Variants in MYO5A observed in about 807,000 individuals in gnomAD.
The protein encoded by MYO5A is myosin VA.
In MYO5A, 98 loss-of-function variants were observed where a neutral mutation model predicts 249.7. The observed-to-expected ratio is 0.39, with a 90% CI of 0.33 to 0.46. The LOEUF (loss-of-function observed/expected upper bound fraction) is 0.46, where lower values mean the gene tolerates loss of function less well. Ranked by LOEUF, MYO5A falls within the 20% of genes least tolerant of loss-of-function variation. The pLI is 0.98. For synonymous variants in MYO5A, 778 were observed against 810.6 expected (o/e 0.96, Z 0.68); for missense variants, 1,696 against 2,308.8 (o/e 0.73, Z 5.44).
intron 39 of MYO5A, 90 bp downstream of exon 39, chr15:52,318,970 G>T (rs2038168242): frequency 2.7e-6 from 4 of 1,492,094 alleles, no homozygotes; most frequent in Non-Finnish European, 9.1e-7. Context: ...TGAGATGCAA[G>T]AACTGAAAAC....
chr15:52,364,008 G>T (rs8038386), intron 24 of MYO5A, among the ~76,000 whole-genome samples: 73,205 of 152,048 alleles, frequency 0.48, 21,213 homozygotes, highest in Non-Finnish European at 0.63. Flanking sequence ...GGAGGCCAAG[G>T]TGGGTAGATC....
At chr15:52,369,990 A>C (rs2041020194) in intron 22 of MYO5A, among the ~76,000 whole-genome samples, 179 bp downstream of exon 22, 1 of 151,748 alleles carries the variant, frequency 6.6e-6, no homozygotes, top group Non-Finnish European at 1.5e-5. Flanking sequence ...AAAGACCTAC[A>C]GCCTACTCAT....
intron 1 of MYO5A, chr15:52,505,519 G>T (rs191130673): frequency 6.5e-7 from 1 of 1,533,986 alleles, no homozygotes; most frequent in East Asian, 2.3e-5. Context: ...TGATGAGGAA[G>T]AAAGTGAAGA....
At chr15:52,522,474 G>A (rs191787779) in intron 1 of MYO5A, among the ~76,000 whole-genome samples, 10 of 152,274 alleles carry the variant, frequency 6.6e-5, no homozygotes, top group African/African-American at 2.2e-4. Flanking sequence ...AGGTGAGGTG[G>A]AAGAAGTGGA....
intron 11 of MYO5A, among the ~76,000 whole-genome samples, chr15:52,395,669 C>A (rs1297835352): frequency 1.3e-5 from 2 of 152,128 alleles, no homozygotes; most frequent in Non-Finnish European, 2.9e-5. Flanking sequence ...GGGAGGTCAA[C>A]TAACTTGCCC....
chr15:52,312,580 A>C lies in MYO5A; in HGVS notation c.*1116T>G, dbSNP rs142981340. 2.6e-5 allele frequency: 4 copies of C among 152,122 alleles called. No individual in the cohort carries two copies. Among genetic ancestry groups the C allele is most frequent in the Admixed American group, 2.6e-4 (4 of 15,272 alleles). The allele number at this position is 152,122 out of a possible 1,614,324, so 9.4% of individuals were successfully genotyped here. On this transcript the variant is annotated 3_prime_UTR_variant, in exon 42 of 42. Coordinates refer to ENST00000399233, the MANE Select transcript of MYO5A (RefSeq NM_001382347.1). ...GCCATGTTGGCCAGGCTGGTCTCCA[A>C]CTCCTAACCTGAAGTGATCCGCCCA...
rs577252470 is a variant in MYO5A at position 52,377,677 on chromosome 15, A to C, written c.2209-1119T>G. Among the ~76,000 whole-genome samples, 291 of 150,038 alleles carry C rather than the reference A, an allele frequency of 1.9e-3. 1 individual carries two copies. Among genetic ancestry groups the C allele is most frequent in the Non-Finnish European group, 2.9e-3 (196 of 67,594 alleles). On this transcript the variant is annotated intron_variant, in intron 18 of 41. Coordinates refer to ENST00000399233, the MANE Select transcript of MYO5A (RefSeq NM_001382347.1). ...CCTCCGCCTTCTGGGTTCAAGCGACACTCCTGCCTCAGCCCCCTGAGTAGC... is the reference window on the plus strand; with the variant it reads ...CCTCCGCCTTCTGGGTTCAAGCGACCCTCCTGCCTCAGCCCCCTGAGTAGC...
intron 1 of MYO5A, among the ~76,000 whole-genome samples, chr15:52,501,811 A>G (rs1050090118): frequency 1.3e-5 from 2 of 151,858 alleles, no homozygotes; most frequent in Non-Finnish European, 2.9e-5. Flanking sequence ...TAAGCAGTCT[A>G]AACAGTCTAG....
intron 1 of MYO5A, among the ~76,000 whole-genome samples, chr15:52,450,843 G>GTTTTTTGTTTTTTTT (rs769982056): frequency 1.1e-3 from 96 of 84,550 alleles, no homozygotes; most frequent in African/African-American, 4.5e-3. Flanking sequence ...CACTACTGTG[G>GTTTTTTGTTTTTTTT]TTTTTTTTTT....
At chr15:52,320,340 G>A (rs192879265) in intron 38 of MYO5A, among the ~76,000 whole-genome samples, 82 of 152,302 alleles carry the variant, frequency 5.4e-4, no homozygotes, top group Admixed American at 4.7e-3. Context: ...CCTAGAACCG[G>A]CATGTTTGTT....
chr15:52,348,386 G>T (rs1347327052), intron 29 of MYO5A, among the ~76,000 whole-genome samples: 1 of 152,204 alleles, frequency 6.6e-6, no homozygotes, highest in African/African-American at 2.4e-5. Flanking sequence ...TCTACACTCA[G>T]GGAGATGAAA....
intron 1 of MYO5A, among the ~76,000 whole-genome samples, chr15:52,490,311 C>T (rs1313621705): frequency 6.6e-6 from 1 of 152,172 alleles, no homozygotes; most frequent in Admixed American, 6.5e-5. Flanking sequence ...GCATTCTTCA[C>T]AATAGCCAAA....
chr15:52,385,444 G>C (rs1038003018), intron 14 of MYO5A, among the ~76,000 whole-genome samples: 1 of 152,136 alleles, frequency 6.6e-6, no homozygotes, highest in East Asian at 1.9e-4. Context: ...CTGAAATTCA[G>C]TGGTATTTAG....
intron 7 of MYO5A, 81 bp downstream of exon 7, chr15:52,407,978 C>T (rs1450078829): frequency 2.9e-5 from 28 of 957,882 alleles, no homozygotes; most frequent in Non-Finnish European, 4.4e-5. Flanking sequence ...GAGATAAGCT[C>T]CTTTTTAACA....
Position 52,416,225 on chromosome 15 carries a change from G to A in MYO5A, c.532C>T (p.Arg178Ter), listed in dbSNP as rs778178180. Residue 178 changes from arginine (R) to a stop codon, truncating the protein, a stop_gained, in exon 5 of 42, where the codon CGA becomes TGA. Coordinates refer to ENST00000399233, the MANE Select transcript of MYO5A (RefSeq NM_001382347.1). LOFTEE classifies it high-confidence loss of function. ...GAACCACTCACAGTTGCAAAGTATC[G>A]CATGGCATACTTAGCTGAGACTGTT... The part of the protein sequence containing the change: ...GKTVSAKYAM[R>*]YFATVSGSAS... 2.5e-6 allele frequency: 4 copies of A among 1,613,752 alleles called. No homozygotes were observed. The highest frequency in any genetic ancestry group is 2.5e-6 in the Non-Finnish European group (3 of 1,179,844).
At chr15:52,430,413 C>A (rs1252345916) in intron 2 of MYO5A, among the ~76,000 whole-genome samples, 1 of 152,174 alleles carries the variant, frequency 6.6e-6, no homozygotes, top group African/African-American at 2.4e-5. Context: ...TCTGTAACAT[C>A]TTCACAGAAA....
intron 1 of MYO5A, among the ~76,000 whole-genome samples, chr15:52,450,004 A>G (rs2075981543): frequency 6.6e-6 from 1 of 151,434 alleles, no homozygotes; most frequent in Admixed American, 6.6e-5. Flanking sequence ...CCTGTCTCCA[A>G]AAAAAAAATT....
intron 1 of MYO5A, among the ~76,000 whole-genome samples, chr15:52,471,592 A>ACACAC (rs147100275): frequency 6.9e-6 from 1 of 144,872 alleles, no homozygotes; most frequent in Non-Finnish European, 1.5e-5. Flanking sequence ...CTGTCTCTAA[A>ACACAC]ACACACACAC....
In MYO5A at chr15:52,387,881, T is replaced by G; in HGVS notation, c.1700A>C (p.Lys567Thr). The change falls in exon 14 of 42, where the codon AAG (lysine) becomes ACG (threonine). Residue 567 changes from lysine to threonine, a missense_variant. Around this residue, in one of 5 missense-constraint regions of MYO5A, gnomAD observed 277 missense variants for 422.4 expected, o/e 0.66. Transcript: ENST00000399233. ...TTCTTCAAAAACGGTGTCTTTATTC[T>G]TTTCGAGAAATCCTTCACACTGGTA... Reference protein sequence around the residue: ...VEYQCEGFLEKNKDTVFEEQI... With the variant: ...VEYQCEGFLETNKDTVFEEQI... 6.2e-7 allele frequency: 1 copy of G among 1,612,694 alleles called. No individual in the cohort carries two copies. The highest frequency in any genetic ancestry group is 8.5e-7 in the Non-Finnish European group (1 of 1,179,240).
Sources: gnomAD v4.1 joint callset for allele counts (sites outside exome capture counted in the v4.1 genomes callset) on GRCh38, gnomAD v4.1.1 for gene constraint, gnomAD v4.1.1 regional missense constraint, MANE v1.5 for transcripts, NCBI Gene and HGNC (gene_info 2026-07-23, HGNC 2026-07-21) for gene names.